The following TRPC4AP variants were observed in gnomAD, a reference collection of about 807,000 sequenced individuals.
TRPC4AP encodes the protein transient receptor potential cation channel subfamily C member 4 associated protein.
Under a neutral mutation model 99.0 loss-of-function variants are expected in TRPC4AP, and 45 were observed. That is an observed-to-expected ratio of 0.45 (90% CI 0.36 to 0.58). The LOEUF is 0.58. Among genes scored for constraint, TRPC4AP ranks in the 20% least tolerant of loss-of-function variants. The pLI, the probability that TRPC4AP is intolerant of heterozygous loss-of-function variation, is 0.00. For missense variants in TRPC4AP, 879 were observed against 985.3 expected (o/e 0.89, Z 1.44); for synonymous variants, 408 against 385.8 (o/e 1.06, Z -0.67).
At chr20:35,084,732 A>G (rs1600669359) in intron 1 of TRPC4AP, among the ~76,000 whole-genome samples, 1 of 144,378 alleles carries the variant, frequency 6.9e-6, no homozygotes, top group Admixed American at 6.9e-5. Flanking sequence ...ATATATGTGT[A>G]TATGTATATA....
In TRPC4AP at chr20:35,044,666, G is replaced by T; in HGVS notation, c.704C>A (p.Ser235Tyr). 1.9e-6 allele frequency: 3 copies of T among 1,614,170 alleles called. No homozygotes were observed. Among genetic ancestry groups the T allele is most frequent in the Non-Finnish European group, 2.5e-6 (3 of 1,180,034 alleles). The change falls in exon 7 of 19, where the codon TCC (serine) becomes TAC (tyrosine). Residue 235 changes from serine (S) to tyrosine (Y), a missense_variant. By Grantham distance (144) the Ser-to-Tyr change is moderately radical. Around this residue, in one of 3 missense-constraint regions of TRPC4AP, gnomAD observed 603 missense variants for 631.8 expected, o/e 0.95. Transcript: ENST00000252015. ...AGCGAGCTGCTGCTGATCGAAATTG[G>T]ATACTAAGGAACTCAGATTGGGGAC... ...DEVPNLSSLV[S>Y]NFDQQQLANF...
intron 4 of TRPC4AP, among the ~76,000 whole-genome samples, chr20:35,057,160 C>T (rs1255585065): frequency 6.6e-6 from 1 of 151,852 alleles, no homozygotes; most frequent in African/African-American, 2.4e-5. Context: ...TTACAAAGAG[C>T]ATGTATCACC....
chr20:35,040,590 C>T (rs553555197), intron 7 of TRPC4AP, among the ~76,000 whole-genome samples: 12 of 152,070 alleles, frequency 7.9e-5, no homozygotes, highest in Non-Finnish European at 1.3e-4. Flanking sequence ...AGCTTGCAGA[C>T]GGCTTATCTT....
chr20:35,020,854 T>C (rs969640960), intron 9 of TRPC4AP, among the ~76,000 whole-genome samples: 9 of 152,042 alleles, frequency 5.9e-5, no homozygotes, highest in African/African-American at 2.2e-4. Flanking sequence ...TGAGCCCACA[T>C]CAGGTTGGCA....
intron 1 of TRPC4AP, among the ~76,000 whole-genome samples, chr20:35,082,227 T>C (rs1349436683): frequency 1.4e-4 from 22 of 152,022 alleles, no homozygotes; most frequent in Non-Finnish European, 2.9e-5. Context: ...AGACAAAAAT[T>C]AGTGAGAATA....
chr20:35,064,992 G>A (rs2084107151), intron 3 of TRPC4AP, among the ~76,000 whole-genome samples: 2 of 152,124 alleles, frequency 1.3e-5, no homozygotes, highest in South Asian at 4.2e-4. Flanking sequence ...GGAAACAACA[G>A]GGCAAAATGA....
At chr20:35,018,889 A>G (rs1042942820) in intron 9 of TRPC4AP, among the ~76,000 whole-genome samples, 1 of 152,154 alleles carries the variant, frequency 6.6e-6, no homozygotes, top group African/African-American at 2.4e-5. Context: ...AAGTCCCTTG[A>G]TAGAAAAGGC....
intron 3 of TRPC4AP, among the ~76,000 whole-genome samples, chr20:35,058,667 G>A (rs2083899863): frequency 6.7e-6 from 1 of 148,896 alleles, no homozygotes; most frequent in Non-Finnish European, 1.5e-5. Context: ...AGCTGTAAAT[G>A]CCTATATTAA....
At position 35,078,154 on chromosome 20, in the gene TRPC4AP, C is replaced by T. The variant is rs151054310; in HGVS notation, c.189G>A (p.Thr63=). Residue 63 remains threonine (T), a synonymous_variant, in exon 2 of 19, where the codon ACG becomes ACA. Transcript: ENST00000252015. ...TCCACTTGGATTGTTTGTCCCTCTC[C>T]GTCAAAAAAGTCTCAGTGAACTGTG... ...RAVQFTETFL[T]ERDKQSKWSG... 2,417 of 1,613,142 alleles carry T rather than the reference C, an allele frequency of 1.5e-3. 17 individuals carry two copies. In the Middle Eastern group the frequency reaches 0.017, roughly 11 times the overall value.
intron 3 of TRPC4AP, 77 bp downstream of exon 3, chr20:35,069,219 A>C: frequency 2.5e-6 from 2 of 798,056 alleles, no homozygotes; most frequent in South Asian, 3.6e-5. Flanking sequence ...AATCTTTCCT[A>C]TCTCCCATTT....
chr20:35,092,558 C>A, intron 1 of TRPC4AP, 56 bp downstream of exon 1: 2 of 1,405,002 alleles, frequency 1.4e-6, no homozygotes, highest in African/African-American at 3.0e-5. Flanking sequence ...TCCCCGGCCC[C>A]CCGCCAGCTC....
chr20:35,024,262 T>C (rs1390789933), intron 8 of TRPC4AP, among the ~76,000 whole-genome samples: 1 of 152,102 alleles, frequency 6.6e-6, no homozygotes, highest in Non-Finnish European at 1.5e-5. Context: ...AATTTTAGAA[T>C]ATCTTCATCA....
At chr20:35,049,014 T>C (rs2083629418) in intron 6 of TRPC4AP, among the ~76,000 whole-genome samples, 1 of 152,028 alleles carries the variant, frequency 6.6e-6, no homozygotes, top group Non-Finnish European at 1.5e-5. Context: ...CACATGAACA[T>C]CCACCTCCCT....
intron 2 of TRPC4AP, among the ~76,000 whole-genome samples, chr20:35,074,259 CTCTA>C (rs1395931056): frequency 6.6e-6 from 1 of 152,096 alleles, no homozygotes; most frequent in Admixed American, 6.6e-5. Context: ...TTTTTTGTGT[CTCTA>C]TATCCTTCAG....
At chr20:35,078,869 C>T (rs2084552463) in intron 1 of TRPC4AP, among the ~76,000 whole-genome samples, 1 of 152,162 alleles carries the variant, frequency 6.6e-6, no homozygotes, top group Admixed American at 6.5e-5. Flanking sequence ...AGTTTGAGAC[C>T]AGCCTGGCTA....
intron 5 of TRPC4AP, among the ~76,000 whole-genome samples, chr20:35,054,189 GTTTTT>G (rs11430339): frequency 6.8e-6 from 1 of 146,838 alleles, no homozygotes; most frequent in African/African-American, 2.5e-5. Flanking sequence ...GGAGCTAAAT[GTTTTT>G]TTTTTTTTAT....
At chr20:35,006,292 T>G (rs1299054750) in intron 15 of TRPC4AP, 143 bp downstream of exon 15, 2 of 940,602 alleles carry the variant, frequency 2.1e-6, no homozygotes, top group Non-Finnish European at 1.6e-6. Context: ...ACAGAGCAGG[T>G]TCCAATGAAT....
chr20:35,068,100 G>C (rs568892564), intron 3 of TRPC4AP, among the ~76,000 whole-genome samples: 2 of 152,134 alleles, frequency 1.3e-5, no homozygotes, highest in Non-Finnish European at 2.9e-5. Context: ...AAAATACACT[G>C]TTTGTGGAAG....
Position 35,016,043 on chromosome 20 carries a change from G to A in TRPC4AP, c.1315C>T (p.Leu439Phe). Residue 439 changes from leucine to phenylalanine, a missense_variant, in exon 10 of 19, where the codon CTC (leucine) becomes TTC (phenylalanine). Physicochemically the swap from Leu to Phe is conservative, Grantham distance 22 (BLOSUM62 0). Around this residue, in one of 3 missense-constraint regions of TRPC4AP, gnomAD observed 603 missense variants for 631.8 expected, o/e 0.95. Coordinates refer to ENST00000252015, the MANE Select transcript of TRPC4AP (RefSeq NM_015638.3). The part of the protein sequence containing the change: ...WRKHSASALV[L>F]HGHNQNCDCS... Reference sequence around the variant, plus strand: ...TCACAGTTCTGGTTGTGACCATGGAGGACAAGGGCAGATGCTGAATGCTTC... The same window carrying A: ...TCACAGTTCTGGTTGTGACCATGGAAGACAAGGGCAGATGCTGAATGCTTC... 6.2e-7 allele frequency: 1 copy of A among 1,614,182 alleles called. No homozygotes were observed. The highest frequency in any genetic ancestry group is 1.6e-4 in the Middle Eastern group (1 of 6,062).
Sources: gnomAD v4.1 joint callset for allele counts (sites outside exome capture counted in the v4.1 genomes callset) on GRCh38, gnomAD v4.1.1 for gene constraint, gnomAD v4.1.1 regional missense constraint, MANE v1.5 for transcripts, NCBI Gene and HGNC (gene_info 2026-07-23, HGNC 2026-07-21) for gene names.